The following QDPR variants were observed in gnomAD, a reference collection of about 807,000 sequenced individuals.
QDPR encodes quinoid dihydropteridine reductase.
Under a neutral mutation model 31.7 loss-of-function variants are expected in QDPR, and 23 were observed. That is an observed-to-expected ratio of 0.73 (90% confidence interval 0.52 to 1.03). The LOEUF is 1.03. QDPR is among the 50% of genes least tolerant of loss of function. The probability of loss-of-function intolerance (pLI) is 0.00; values close to 1 mark genes in which losing one functional copy is unlikely to be tolerated. For missense variants in QDPR, 324 were observed against 323.8 expected (o/e 1.00, Z 0.00); for synonymous variants, 124 against 124.7 (o/e 0.99, Z 0.03).
At chr4:17,495,703 T>C (rs968191351) in intron 4 of QDPR, among the ~76,000 whole-genome samples, 4 of 152,068 alleles carry the variant, frequency 2.6e-5, no homozygotes, top group African/African-American at 9.7e-5. Context: ...AACCAAAAGG[T>C]GGCAATCAAT....
At chr4:17,491,027 CT>C (rs1048586345) in intron 5 of QDPR, among the ~76,000 whole-genome samples, 1 of 152,152 alleles carries the variant, frequency 6.6e-6, no homozygotes, top group African/African-American at 2.4e-5. Context: ...CACATTTTGC[CT>C]TTTTAAAAAA....
At chr4:17,490,618 G>A in intron 6 of QDPR, 44 bp downstream of exon 6, 1 of 1,497,186 alleles carries the variant, frequency 6.7e-7, no homozygotes, top group Non-Finnish European at 9.3e-7. Context: ...GCAGAGAATA[G>A]GGGCTGGAAG....
chr4:17,506,314 A>T (rs999051051), intron 2 of QDPR, among the ~76,000 whole-genome samples: 4 of 151,942 alleles, frequency 2.6e-5, no homozygotes, highest in African/African-American at 7.3e-5. Flanking sequence ...ATTTTTTTGT[A>T]GAGATGGGGT....
chr4:17,498,645 A>G (rs1167018443), intron 4 of QDPR, among the ~76,000 whole-genome samples: 1 of 152,262 alleles, frequency 6.6e-6, no homozygotes. Flanking sequence ...AAATTACTGA[A>G]TGATCAGTGT....
chr4:17,490,572 T>G, intron 6 of QDPR, 90 bp downstream of exon 6: 1 of 1,100,048 alleles, frequency 9.1e-7, no homozygotes, highest in Non-Finnish European at 1.4e-6. Flanking sequence ...ATTGACGATC[T>G]CAGGGAACAC....
Position 17,501,866 on chromosome 4 carries a change from G to GA in QDPR, c.296-8dup. On this transcript the variant is annotated splice_region_variant and splice_polypyrimidine_tract_variant and intron_variant, in intron 3 of 6. Transcript: ENST00000281243. ...TCACAGTTCTTAAAGAGAGCTGAGTGAAAAAAACATGTGGGCTCAGCATTC... is the reference window on the plus strand; with the variant it reads ...TCACAGTTCTTAAAGAGAGCTGAGTGAAAAAAAACATGTGGGCTCAGCATTC... The GA allele has an allele frequency of 2.5e-6, 4 of 1,614,000 alleles. No individual in the cohort carries two copies. Among genetic ancestry groups the GA allele is most frequent in the Non-Finnish European group, 2.5e-6 (3 of 1,179,968 alleles).
intron 2 of QDPR, among the ~76,000 whole-genome samples, chr4:17,508,728 C>CAAGAA (rs35601449): frequency 0.98 from 149,116 of 151,894 alleles, 73,237 homozygotes; most frequent in Middle Eastern, 1. Context: ...TAGAAAAAGA[C>CAAGAA]AATAGGCCAA....
At chr4:17,500,392 G>C (rs1718518981) in intron 4 of QDPR, among the ~76,000 whole-genome samples, 1 of 152,148 alleles carries the variant, frequency 6.6e-6, no homozygotes, top group African/African-American at 2.4e-5. Flanking sequence ...GGCTGAAATA[G>C]ATCCCCCCAA....
intron 3 of QDPR, among the ~76,000 whole-genome samples, chr4:17,503,924 C>T (rs1372546635): frequency 6.6e-6 from 1 of 151,656 alleles, no homozygotes; most frequent in Non-Finnish European, 1.5e-5. Flanking sequence ...GCACTCCAGC[C>T]TGGTGACAGA....
intron 3 of QDPR, among the ~76,000 whole-genome samples, chr4:17,502,486 T>C (rs1027718257): frequency 2.0e-5 from 3 of 152,274 alleles, no homozygotes; most frequent in African/African-American, 7.2e-5. Context: ...GTCCTCCTGA[T>C]ATAGGAGGGG....
At chr4:17,508,021 C>G (rs189726721) in intron 2 of QDPR, among the ~76,000 whole-genome samples, 1 of 152,154 alleles carries the variant, frequency 6.6e-6, no homozygotes. Flanking sequence ...TCTATATTTA[C>G]GTAGTTTTGT....
Position 17,487,016 on chromosome 4 carries a change from A to T in QDPR, c.*115T>A. 1 of 802,370 alleles carries T rather than the reference A, an allele frequency of 1.2e-6. No homozygotes were observed. The highest frequency in any genetic ancestry group is 1.4e-5 in the South Asian group (1 of 70,748). 49.7% of individuals were successfully genotyped at this position (802,370 alleles called of 1,614,324 possible). ...GCATATTATGTGAGAGAAAAATAGG[A>T]CTCATTATCTCGTACCACAAACAGG... is the stretch of plus-strand genomic sequence containing the variant. On this transcript the variant is annotated 3_prime_UTR_variant, in exon 7 of 7. Coordinates refer to ENST00000281243, the MANE Select transcript of QDPR (RefSeq NM_000320.3).
At chr4:17,511,922 A>C (rs780351233) in intron 1 of QDPR, 28 bp downstream of exon 1, 2 of 1,601,690 alleles carry the variant, frequency 1.2e-6, no homozygotes, top group Non-Finnish European at 1.7e-6. Context: ...CCCCGCGGAG[A>C]CCCAGCAGCC....
intron 3 of QDPR, 145 bp downstream of exon 3, chr4:17,504,234 A>G: frequency 1.4e-6 from 1 of 727,438 alleles, no homozygotes; most frequent in South Asian, 1.6e-5. Flanking sequence ...GATTAAGAGC[A>G]TTAATCACTC....
At position 17,501,806 on chromosome 4, in the gene QDPR, T is replaced by A; in HGVS notation, c.349A>T (p.Ile117Phe). ...TGCTTGGTAGCCAGATGGCTGGAGA[T>A]GGTCGATGTCCATATGCTCTGCTTC... ...MWKQSIWTST[I>F]SSHLATKHLK... The change falls in exon 4 of 7, where the codon ATC becomes TTC. Residue 117 changes from isoleucine to phenylalanine, a missense_variant. Physicochemically the swap from Ile to Phe is conservative, Grantham distance 21. Coordinates refer to ENST00000281243, the MANE Select transcript of QDPR (RefSeq NM_000320.3). 6.2e-7 allele frequency: 1 copy of A among 1,614,200 alleles called. No homozygotes were observed. Among genetic ancestry groups the A allele is most frequent in the Non-Finnish European group, 8.5e-7 (1 of 1,180,038 alleles).
At chr4:17,494,965 C>T (rs922840607) in intron 4 of QDPR, among the ~76,000 whole-genome samples, 1 of 152,164 alleles carries the variant, frequency 6.6e-6, no homozygotes, top group African/African-American at 2.4e-5. Flanking sequence ...GCACAGAACC[C>T]GATCAGGGCG....
At chr4:17,503,818 G>A (rs1169846886) in intron 3 of QDPR, among the ~76,000 whole-genome samples, 2 of 152,074 alleles carry the variant, frequency 1.3e-5, no homozygotes, top group Non-Finnish European at 2.9e-5. Context: ...GGGCTTGGTG[G>A]TGGGCACCTG....
At chr4:17,497,120 C>A (rs10031275) in intron 4 of QDPR, among the ~76,000 whole-genome samples, 5,618 of 152,036 alleles carry the variant, frequency 0.037, 361 homozygotes, top group African/African-American at 0.13. Context: ...AGAATGCTTC[C>A]CAAAGGACAC....
intron 1 of QDPR, among the ~76,000 whole-genome samples, chr4:17,510,481 A>G (rs1316215571): frequency 1.3e-5 from 2 of 152,222 alleles, no homozygotes; most frequent in Non-Finnish European, 2.9e-5. Context: ...CACAGCATCT[A>G]TTCATCAACA....
Sources: allele counts gnomAD v4.1 joint callset (sites outside exome capture counted in the v4.1 genomes callset), GRCh38; gene constraint gnomAD v4.1.1; transcripts MANE v1.5; gene names NCBI Gene and HGNC (gene_info 2026-07-23, HGNC 2026-07-21).